Variants in ERCC8 observed in about 807,000 individuals in gnomAD.
The protein encoded by ERCC8 is ERCC excision repair 8, CSA ubiquitin ligase complex subunit, also known as DNA excision repair protein ERCC-8.
In ERCC8, 52 loss-of-function variants were observed where a neutral mutation model predicts 54.9. The observed-to-expected ratio is 0.95, with a 90% confidence interval of 0.76 to 1.19. ERCC8 has a LOEUF of 1.19. Ranked by LOEUF, ERCC8 falls within the 50% of genes most tolerant of loss-of-function variation. ERCC8 has a pLI of 0.00. For missense variants in ERCC8, 514 were observed against 466.1 expected (o/e 1.10, Z -0.95); for synonymous variants, 146 against 157.2 (o/e 0.93, Z 0.53).
chr5:60,926,796 A>G (rs1448088278), intron 2 of ERCC8, among the ~76,000 whole-genome samples: 1 of 152,208 alleles, frequency 6.6e-6, no homozygotes, highest in East Asian at 1.9e-4. Context: ...CTTGCCATAC[A>G]GATGTATTAT....
chr5:60,894,007 C>CA (rs1561499873), intron 9 of ERCC8, among the ~76,000 whole-genome samples: 2 of 133,078 alleles, frequency 1.5e-5, no homozygotes, highest in African/African-American at 5.8e-5. Flanking sequence ...TTTTTTGAGA[C>CA]AGAGTCTTGC....
chr5:60,872,660 A>T lies in ERCC8; in HGVS notation c.*1955T>A, dbSNP rs1212963873. Among the ~76,000 whole-genome samples, 1 of 152,214 alleles carries T rather than the reference A, an allele frequency of 6.6e-6. No homozygotes were observed. ...ACAAGTGTTGGCAAGGATGTGAAGAAAAAGGATTTCTTGCATTATTGTGAA... is the reference window on the plus strand; with the variant it reads ...ACAAGTGTTGGCAAGGATGTGAAGATAAAGGATTTCTTGCATTATTGTGAA... On this transcript the variant is annotated 3_prime_UTR_variant, in exon 12 of 12. Transcript: ENST00000676185.
chr5:60,886,960 T>C (rs1748412224), intron 11 of ERCC8, among the ~76,000 whole-genome samples: 1 of 152,010 alleles, frequency 6.6e-6, no homozygotes, highest in African/African-American at 2.4e-5. Flanking sequence ...TGTTTACACA[T>C]AGTTATTAAT....
At chr5:60,914,619 G>A (rs1001963573) in intron 4 of ERCC8, among the ~76,000 whole-genome samples, 2 of 151,648 alleles carry the variant, frequency 1.3e-5, no homozygotes, top group East Asian at 3.9e-4. Context: ...GAGAGACACT[G>A]CCTCTACAAA....
At chr5:60,889,412 T>C (rs1748484190) in intron 10 of ERCC8, among the ~76,000 whole-genome samples, 1 of 152,178 alleles carries the variant, frequency 6.6e-6, no homozygotes, top group African/African-American at 2.4e-5. Context: ...CTCAAGCAAT[T>C]CTCTTGCTTC....
chr5:60,910,730 T>C (rs1561507199), intron 4 of ERCC8, among the ~76,000 whole-genome samples: 1 of 152,164 alleles, frequency 6.6e-6, no homozygotes, highest in Non-Finnish European at 1.5e-5. Flanking sequence ...ATCCAGCAAA[T>C]TTGCTAAATT....
rs773679744 is a variant in ERCC8 at position 60,887,559 on chromosome 5, A to C, written c.1042-39T>G. On this transcript the variant is annotated intron_variant, in intron 10 of 11. Coordinates refer to ENST00000676185, the MANE Select transcript of ERCC8 (RefSeq NM_000082.4). ...GGCAAAGATGATACTGTGGATCAAG[A>C]GCTGATATCAAACTGAAATGAATTA... is the stretch of plus-strand genomic sequence containing the variant. The C allele has an allele frequency of 1.1e-5, 15 of 1,387,256 alleles. No individual in the cohort carries two copies. The East Asian group carries it at 3.2e-4, about 30-fold the overall frequency. The allele number at this position is 1,387,256 out of a possible 1,614,324, so 85.9% of individuals were successfully genotyped here.
chr5:60,888,453 T>C (rs1042913745), intron 10 of ERCC8, among the ~76,000 whole-genome samples: 1 of 152,196 alleles, frequency 6.6e-6, no homozygotes, highest in Non-Finnish European at 1.5e-5. Context: ...GGCCAGGTAA[T>C]GCGCAAGATA....
chr5:60,918,192 C>T lies in ERCC8; in HGVS notation c.399+73G>A. On this transcript the variant is annotated intron_variant, in intron 4 of 11. Coordinates refer to ENST00000676185, the MANE Select transcript of ERCC8 (RefSeq NM_000082.4). Reference sequence around the variant, plus strand: ...CATATATGACATCTCAGCAAATAATCATACTAAAATGGTTTAGGATTAAAT... The same window carrying T: ...CATATATGACATCTCAGCAAATAATTATACTAAAATGGTTTAGGATTAAAT... 2.5e-6 allele frequency: 3 copies of T among 1,190,018 alleles called. No individual in the cohort carries two copies. The South Asian group carries it at 3.7e-5, about 15-fold the overall frequency. The allele number at this position is 1,190,018 out of a possible 1,614,324, so 73.7% of individuals were successfully genotyped here.
rs762275896 is a variant in ERCC8 at position 60,867,323 on chromosome 5, C to T, written c.*7292G>A. Among the ~76,000 whole-genome samples, 5 of 151,920 alleles carry T rather than the reference C, an allele frequency of 3.3e-5. No individual in the cohort carries two copies. Among genetic ancestry groups the T allele is most frequent in the South Asian group, 2.1e-4 (1 of 4,812 alleles). ...AGGGTGGAGTGCAGTGGGGCGATCTCGGCTCACTGCAACCTCCGCCTTCAG... is the reference window on the plus strand; with the variant it reads ...AGGGTGGAGTGCAGTGGGGCGATCTTGGCTCACTGCAACCTCCGCCTTCAG... On this transcript the variant is annotated 3_prime_UTR_variant, in exon 12 of 12. Transcript: ENST00000676185.
At chr5:60,904,641 T>C (rs1161617183) in intron 5 of ERCC8, 151 bp downstream of exon 5, 1 of 43,124 alleles carries the variant, frequency 2.3e-5, no homozygotes. Context: ...TGTGTATATA[T>C]ATATATATAT....
At position 60,867,224 on chromosome 5, in the gene ERCC8, G is replaced by C. The variant is rs192165687; in HGVS notation, c.*7391C>G. Among the ~76,000 whole-genome samples the C allele has an allele frequency of 6.6e-6, 1 of 152,088 alleles. No individual in the cohort carries two copies. Among genetic ancestry groups the C allele is most frequent in the African/African-American group, 2.4e-5 (1 of 41,498 alleles). On this transcript the variant is annotated 3_prime_UTR_variant, in exon 12 of 12. Coordinates refer to ENST00000676185, the MANE Select transcript of ERCC8 (RefSeq NM_000082.4). ...TGGTAGTGACCTAAGACAGACTCAGGACTTTTGATTTCCAGTCCACTGTTA... is the reference window on the plus strand; with the variant it reads ...TGGTAGTGACCTAAGACAGACTCAGCACTTTTGATTTCCAGTCCACTGTTA...
Position 60,874,588 on chromosome 5 carries a change from G to A in ERCC8, c.*27C>T. On this transcript the variant is annotated 3_prime_UTR_variant, in exon 12 of 12. Coordinates refer to ENST00000676185, the MANE Select transcript of ERCC8 (RefSeq NM_000082.4). ...CAGTCTCATTTAAAAAGTTTCAGCA[G>A]AGACAAAAAGGTACTAAAGATGATA... 1 of 1,604,960 alleles carries A rather than the reference G, an allele frequency of 6.2e-7. No individual in the cohort carries two copies. Among genetic ancestry groups the A allele is most frequent in the Non-Finnish European group, 8.5e-7 (1 of 1,172,798 alleles).
In ERCC8 at chr5:60,899,661, T is replaced by G. The variant is rs766516991; in HGVS notation, c.684A>C (p.Gln228His). 2 of 1,612,358 alleles carry G rather than the reference T, an allele frequency of 1.2e-6. No homozygotes were observed. The highest frequency in any genetic ancestry group is 2.7e-5 in the African/African-American group (2 of 75,006). The change falls in exon 8 of 12, where the codon CAA (glutamine) becomes CAC (histidine). Residue 228 changes from glutamine (Q) to histidine (H), a missense_variant. Gln to His is a conservative substitution (Grantham distance 24, BLOSUM62 0). Coordinates refer to ENST00000676185, the MANE Select transcript of ERCC8 (RefSeq NM_000082.4). Reference sequence around the variant, plus strand: ...CAGCTTGTGACTTTTTCCCATTATGTTGATCAAGAGTAATCAAACATCCTG... The same window carrying G: ...CAGCTTGTGACTTTTTCCCATTATGGTGATCAAGAGTAATCAAACATCCTG... ...RASGCLITLD[Q>H]HNGKKSQAVE...
rs529788512 is a variant in ERCC8 at position 60,870,951 on chromosome 5, C to T, written c.*3664G>A. On this transcript the variant is annotated 3_prime_UTR_variant, in exon 12 of 12. Coordinates refer to ENST00000676185, the MANE Select transcript of ERCC8 (RefSeq NM_000082.4). Reference sequence around the variant, plus strand: ...TCAGTTTACAAGCTTCCAGCTGTAACGAATGAATTCCCTACAAAGGGAAAA... The same window carrying T: ...TCAGTTTACAAGCTTCCAGCTGTAATGAATGAATTCCCTACAAAGGGAAAA... Among the ~76,000 whole-genome samples, 21 of 152,084 alleles carry T rather than the reference C, an allele frequency of 1.4e-4. No homozygotes were observed. Among genetic ancestry groups the T allele is most frequent in the East Asian group, 3.9e-4 (2 of 5,176 alleles).
In ERCC8 at chr5:60,931,815, G is replaced by A. The variant is rs1275115764; in HGVS notation, c.78-2856C>T. Among the ~76,000 whole-genome samples the A allele has an allele frequency of 3.6e-4, 54 of 151,952 alleles. 1 individual carries two copies. Among genetic ancestry groups the A allele is most frequent in the Admixed American group, 3.5e-3 (53 of 15,264 alleles). ...ACAGTATCATTCAAACATGTATAAA[G>A]GTAATCATCTTTTCCTTCAGCTCCC... On this transcript the variant is annotated intron_variant, in intron 1 of 11. Transcript: ENST00000676185.
Position 60,891,087 on chromosome 5 carries a change from C to T in ERCC8, c.844-1G>A, listed in dbSNP as rs1363641317. ...TATTACAAACTTTTCCATAGTTCACCTGTAGGATTAAAATAATAAGGTTAC... is the reference window on the plus strand; with the variant it reads ...TATTACAAACTTTTCCATAGTTCACTTGTAGGATTAAAATAATAAGGTTAC... On this transcript the variant is annotated splice_acceptor_variant, in intron 9 of 11. Transcript: ENST00000676185. LOFTEE classifies it high-confidence loss of function. The T allele has an allele frequency of 6.3e-7, 1 of 1,588,124 alleles. No individual in the cohort carries two copies. Among genetic ancestry groups the T allele is most frequent in the Admixed American group, 1.7e-5 (1 of 59,940 alleles).
chr5:60,941,747 C>A, intron 1 of ERCC8, among the ~76,000 whole-genome samples: 1 of 152,020 alleles, frequency 6.6e-6, no homozygotes, highest in African/African-American at 2.4e-5. Context: ...AACCATTAGA[C>A]CTACTCTAAA....
At position 60,870,551 on chromosome 5, in the gene ERCC8, G is replaced by C. The variant is rs1480417662; in HGVS notation, c.*4064C>G. Reference sequence around the variant, plus strand: ...GTGGTGGGCACCTGTAATCCCAGCTGCTTGGGAGGCTGAGGCAGGAAAATT... The same window carrying C: ...GTGGTGGGCACCTGTAATCCCAGCTCCTTGGGAGGCTGAGGCAGGAAAATT... On this transcript the variant is annotated 3_prime_UTR_variant, in exon 12 of 12. Transcript: ENST00000676185. Among the ~76,000 whole-genome samples the C allele has an allele frequency of 2.7e-5, 4 of 147,574 alleles. No homozygotes were observed. Among genetic ancestry groups the C allele is most frequent in the African/African-American group, 1.0e-4 (4 of 39,774 alleles).
Sources: allele counts gnomAD v4.1 joint callset (sites outside exome capture counted in the v4.1 genomes callset), GRCh38; gene constraint gnomAD v4.1.1; transcripts MANE v1.5; gene names NCBI Gene and HGNC (gene_info 2026-07-23, HGNC 2026-07-21).